Variants in TIMELESS observed in about 807,000 individuals in gnomAD.
The protein encoded by TIMELESS is protein timeless homolog.
TIMELESS carries 124 observed loss-of-function variants against 164.3 expected under a neutral mutation model. The observed-to-expected ratio is 0.75, with a 90% CI of 0.65 to 0.88. The LOEUF (loss-of-function observed/expected upper bound fraction) is 0.88. TIMELESS is among the 40% of genes least tolerant of loss of function. TIMELESS has a pLI of 0.00. For synonymous variants in TIMELESS, 564 were observed against 563.4 expected, an observed-to-expected ratio of 1.00 and a Z score of -0.02; for missense variants, 1,422 against 1,491.4, an observed-to-expected ratio of 0.95 and a Z score of 0.77.
intron 8 of TIMELESS, among the ~76,000 whole-genome samples, 175 bp from the exon 9 acceptor site, chr12:56,431,143 C>G (rs979375048): frequency 6.9e-6 from 1 of 145,474 alleles, no homozygotes; most frequent in Admixed American, 7.2e-5. Context: ...CACCTGAGGT[C>G]GGGAGTTTGA....
rs1159256410 is a variant in TIMELESS at position 56,428,602 on chromosome 12, T to G, written c.1355A>C (p.Glu452Ala). The part of the protein sequence containing the change: ...AYQELLATVN[E>A]MDISPDEAVR... Reference sequence around the variant, plus strand: ...AGCCTCATCTGGAGATATGTCCATCTCATTCACTGTTGCCAGCAGCTCCTG... The same window carrying G: ...AGCCTCATCTGGAGATATGTCCATCGCATTCACTGTTGCCAGCAGCTCCTG... Residue 452 changes from glutamate to alanine, a missense_variant, in exon 12 of 29, where the codon GAG becomes GCG. By Grantham distance (107) the Glu-to-Ala change is moderately radical. Coordinates refer to ENST00000553532, the MANE Select transcript of TIMELESS (RefSeq NM_003920.5). 1.9e-6 allele frequency: 3 copies of G among 1,613,998 alleles called. No individual in the cohort carries two copies. Among genetic ancestry groups the G allele is most frequent in the Non-Finnish European group, 2.5e-6 (3 of 1,180,040 alleles).
rs745492833 is a variant in TIMELESS at position 56,420,673 on chromosome 12, C to T, written c.3124G>A (p.Val1042Ile). ...TCCTCTGTGAGTGGCACCAATGGAA[C>T]GGCCTGGGAGCAGCCTAAGACAGGG... Reference protein sequence around the residue: ...DREEDGCSQAVPLVPLTEENE... With the variant: ...DREEDGCSQAIPLVPLTEENE... Residue 1042 changes from valine (V) to isoleucine (I), a missense_variant, in exon 26 of 29, where the codon GTT (valine) becomes ATT (isoleucine). Transcript: ENST00000553532. The T allele has an allele frequency of 2.4e-5, 39 of 1,614,072 alleles. No individual in the cohort carries two copies. The highest frequency in any genetic ancestry group is 6.6e-5 in the South Asian group (6 of 91,090).
chr12:56,447,952 G>A (rs74094742), intron 1 of TIMELESS, among the ~76,000 whole-genome samples: 6,443 of 152,168 alleles, frequency 0.042, 449 homozygotes, highest in African/African-American at 0.15. Flanking sequence ...TTTCCACGTG[G>A]CCAGGAGTCA....
intron 3 of TIMELESS, 56 bp downstream of exon 3, chr12:56,433,717 C>T: frequency 6.2e-7 from 1 of 1,613,442 alleles, no homozygotes; most frequent in Non-Finnish European, 8.5e-7. Context: ...CCAAACCTAT[C>T]AGCTCAAACA....
At chr12:56,421,546 A>G (rs953256950) in intron 22 of TIMELESS, 53 bp from the exon 23 acceptor site, 3 of 1,578,952 alleles carry the variant, frequency 1.9e-6, no homozygotes, top group Non-Finnish European at 2.6e-6. Context: ...AGAGATGAGT[A>G]AAATAAATCA....
chr12:56,445,419 C>T (rs1308649840), intron 1 of TIMELESS, among the ~76,000 whole-genome samples: 6 of 37,578 alleles, frequency 1.6e-4, no homozygotes, highest in African/African-American at 8.6e-5. Flanking sequence ...CGAAACTCCA[C>T]GTCAAAAAAA....
chr12:56,432,316 C>G, intron 7 of TIMELESS, 53 bp downstream of exon 7: 1 of 1,565,754 alleles, frequency 6.4e-7, no homozygotes, highest in Non-Finnish European at 8.7e-7. Flanking sequence ...TCTGGCTGTA[C>G]AGCAGAAAAG....
At position 56,434,221 on chromosome 12, in the gene TIMELESS, AATG is replaced by A; in HGVS notation, c.-54_-52del. On this transcript the variant is annotated 5_prime_UTR_variant, in exon 2 of 29. Transcript: ENST00000553532. ...AGGAAGTGGAGAAACAGGAGACAGA[AATG>A]ATGAGGCCTGGAGAAATAGAGAAAG... 7.2e-7 allele frequency: 1 copy of A among 1,396,084 alleles called. No individual in the cohort carries two copies. Among genetic ancestry groups the A allele is most frequent in the Non-Finnish European group, 1.0e-6 (1 of 981,524 alleles). 86.5% of individuals were successfully genotyped at this position (1,396,084 alleles called of 1,614,324 possible).
chr12:56,434,963 G>A (rs907382736), intron 1 of TIMELESS, among the ~76,000 whole-genome samples: 2 of 152,126 alleles, frequency 1.3e-5, no homozygotes, highest in Non-Finnish European at 1.5e-5. Context: ...GACTACTTGC[G>A]CCTAGGTGTT....
At position 56,418,214 on chromosome 12, in the gene TIMELESS, T is replaced by C. The variant is rs1271032697; in HGVS notation, c.3374A>G (p.His1125Arg). 1 of 1,614,088 alleles carries C rather than the reference T, an allele frequency of 6.2e-7. No individual in the cohort carries two copies. The highest frequency in any genetic ancestry group is 1.3e-5 in the African/African-American group (1 of 74,932). Residue 1125 changes from histidine to arginine, a missense_variant, in exon 27 of 29, where the codon CAC becomes CGC. His to Arg is a conservative substitution (Grantham distance 29). Transcript: ENST00000553532. The stretch of plus-strand genomic sequence containing the variant: ...GGCTTGTGCTCGGTGCTCTTTACAG[T>C]GCTCCTCATCAGAGCCTTGCTCTCC... Reference protein sequence around the residue: ...VPGEQGSDEEHCKEHRAQALR... With the variant: ...VPGEQGSDEERCKEHRAQALR...
intron 26 of TIMELESS, among the ~76,000 whole-genome samples, chr12:56,420,263 A>C (rs1057061513): frequency 1.3e-5 from 2 of 151,832 alleles, no homozygotes; most frequent in African/African-American, 4.8e-5. Context: ...ATCTGTGGGC[A>C]GGGGGGTCCT....
At chr12:56,436,930 A>ATT (rs879488638) in intron 1 of TIMELESS, among the ~76,000 whole-genome samples, 17 of 143,260 alleles carry the variant, frequency 1.2e-4, no homozygotes, top group Admixed American at 1.4e-4. Context: ...CGAGCATGCA[A>ATT]TTTTTTTTTT....
In TIMELESS at chr12:56,433,143, T is replaced by G. The variant is rs1320162633; in HGVS notation, c.430-16A>C. 7.4e-6 allele frequency: 12 copies of G among 1,611,908 alleles called. No individual in the cohort carries two copies. Among genetic ancestry groups the G allele is most frequent in the East Asian group, 2.2e-5 (1 of 44,838 alleles). ...CCTCCCAGCCCTAACCAGAAGAGAG[T>G]AAGAGGAAGAGACTCCCTGTGGAAG... On this transcript the variant is annotated splice_polypyrimidine_tract_variant and intron_variant, in intron 5 of 28. Coordinates refer to ENST00000553532, the MANE Select transcript of TIMELESS (RefSeq NM_003920.5).
Position 56,422,176 on chromosome 12 carries a change from T to A in TIMELESS, c.2454A>T (p.Arg818Ser), listed in dbSNP as rs772082097. 6 of 1,614,018 alleles carry A rather than the reference T, an allele frequency of 3.7e-6. No homozygotes were observed. The highest frequency in any genetic ancestry group is 5.1e-6 in the Non-Finnish European group (6 of 1,180,016). Residue 818 changes from arginine (R) to serine (S), a missense_variant, in exon 20 of 29, where the codon AGA (arginine) becomes AGT (serine). Arg to Ser is a moderately radical substitution (Grantham distance 110). Transcript: ENST00000553532. ...CTTCTTCGGGGCTCCATGTAGGTGC[T>A]CTGCGACTGGAAGACCTGAATGGTG... ...GSLDDRSSSR[R>S]APTWSPEEEA... is the part of the protein sequence containing the mutation.
At chr12:56,418,515 C>T (rs1304059488) in intron 26 of TIMELESS, among the ~76,000 whole-genome samples, 156 bp from the exon 27 acceptor site, 1 of 151,494 alleles carries the variant, frequency 6.6e-6, no homozygotes, top group Non-Finnish European at 1.5e-5. Flanking sequence ...ATACCCAGTG[C>T]CTAGCACAGT....
chr12:56,441,484 G>A (rs530548423), intron 1 of TIMELESS, among the ~76,000 whole-genome samples: 16 of 152,226 alleles, frequency 1.1e-4, no homozygotes, highest in African/African-American at 2.6e-4. Flanking sequence ...AAAATCAGCC[G>A]GGCATGCTGA....
intron 9 of TIMELESS, 47 bp from the exon 10 acceptor site, chr12:56,430,328 T>C (rs1881834451): frequency 6.4e-7 from 1 of 1,557,768 alleles, no homozygotes; most frequent in Non-Finnish European, 8.7e-7. Flanking sequence ...AATACCACTT[T>C]CCCCTTGCAG....
At chr12:56,428,528 G>A in intron 12 of TIMELESS, 21 bp downstream of exon 12, 2 of 1,612,202 alleles carry the variant, frequency 1.2e-6, no homozygotes, top group Non-Finnish European at 1.7e-6. Context: ...GCTGGGATCG[G>A]GGACCAGGCC....
intron 7 of TIMELESS, 78 bp downstream of exon 7, chr12:56,432,291 T>C (rs1410289227): frequency 1.2e-5 from 18 of 1,504,958 alleles, no homozygotes; most frequent in Non-Finnish European, 1.6e-5. Flanking sequence ...ATGCAGCCAT[T>C]ATCACAAGAG....
Sources: gnomAD v4.1 joint callset for allele counts (sites outside exome capture counted in the v4.1 genomes callset) on GRCh38, gnomAD v4.1.1 for gene constraint, MANE v1.5 for transcripts, NCBI Gene and HGNC (gene_info 2026-07-23, HGNC 2026-07-21) for gene names.